Variants in RNF213 observed in about 807,000 individuals in gnomAD.
RNF213 encodes the protein ring finger protein 213.
RNF213 carries 341 observed loss-of-function variants against 514.4 expected under a neutral mutation model. That is an observed-to-expected ratio of 0.66 (90% CI 0.61 to 0.73). RNF213 has a LOEUF of 0.73. Ranked by LOEUF, RNF213 falls within the 30% of genes least tolerant of loss-of-function variation. The probability of loss-of-function intolerance (pLI) is 0.00; values close to 1 mark genes in which losing one functional copy is unlikely to be tolerated. For missense variants in RNF213, 5,767 were observed against 6,615.6 expected (o/e 0.87, Z 4.45); for synonymous variants, 2,655 against 2,658.2 (o/e 1.00, Z 0.04).
At chr17:80,320,483 C>G (rs957227324) in intron 17 of RNF213, 5 of 152,178 alleles carry the variant, frequency 3.3e-5, no homozygotes, top group African/African-American at 1.2e-4. Context: ...CTCCCAAGTG[C>G]TGGAATTACA....
At chr17:80,292,731 CTG>C (rs1184394544) in intron 8 of RNF213, among the ~76,000 whole-genome samples, 1 of 152,088 alleles carries the variant, frequency 6.6e-6, no homozygotes, top group African/African-American at 2.4e-5. Context: ...CAAGACTTGA[CTG>C]TGTTGATCAC....
At chr17:80,262,176 G>T (rs2043446918) in intron 1 of RNF213, among the ~76,000 whole-genome samples, 1 of 152,070 alleles carries the variant, frequency 6.6e-6, no homozygotes, top group Non-Finnish European at 1.5e-5. Context: ...TTCAGGTAGA[G>T]TGTGGAGGGG....
Position 80,347,317 on chromosome 17 carries a change from A to T in RNF213, c.8982A>T (p.Gln2994His). The change falls in exon 29 of 68, where the codon CAA becomes CAT. Residue 2994 changes from glutamine to histidine, a missense_variant. This residue lies in a region of RNF213 where 919 missense variants were observed against 1,121.0 expected (regional missense o/e 0.82). Transcript: ENST00000582970. The surrounding 1 kb of genome is among the most constrained non-coding windows in gnomAD (Gnocchi z 7.2). ...LRNFSGKDDIQALDIFLANLP... is the reference protein window; with the variant it reads ...LRNFSGKDDIHALDIFLANLP... The stretch of plus-strand genomic sequence containing the variant: ...ACTTCAGTGGCAAGGATGACATCCA[A>T]GCTTTGGACATCTTTCTGGCCAATT... 6.2e-7 allele frequency: 1 copy of T among 1,614,040 alleles called. No individual in the cohort carries two copies. Among genetic ancestry groups the T allele is most frequent in the Non-Finnish European group, 8.5e-7 (1 of 1,180,024 alleles).
At chr17:80,273,688 C>T (rs1260155483) in intron 3 of RNF213, among the ~76,000 whole-genome samples, 3 of 146,694 alleles carry the variant, frequency 2.0e-5, no homozygotes, top group Non-Finnish European at 3.0e-5. Context: ...GGTGCGATCT[C>T]GGCTCGCTGC....
intron 10 of RNF213, among the ~76,000 whole-genome samples, chr17:80,297,786 C>CA (rs550895440): frequency 0.34 from 33,206 of 98,026 alleles, 5,052 homozygotes; most frequent in Non-Finnish European, 0.4. Context: ...GACTCCGTCT[C>CA]AAAAAAAAAA....
Position 80,363,263 on chromosome 17 carries a change from C to G in RNF213, c.11517C>G (p.Leu3839=). Residue 3839 remains leucine (L), a synonymous_variant, in exon 40 of 68, where the codon CTC becomes CTG. Transcript: ENST00000582970. Reference sequence around the variant, plus strand: ...TCCTGACCATCTACCCTCAGGTTCTCCACAGCCTGATGGAAGCCCGTTGGA... The same window carrying G: ...TCCTGACCATCTACCCTCAGGTTCTGCACAGCCTGATGGAAGCCCGTTGGA... ...SRILTIYPQV[L]HSLMEARWNH... is the part of the protein sequence containing the mutation. 6.2e-7 allele frequency: 1 copy of G among 1,614,084 alleles called. No individual in the cohort carries two copies. Among genetic ancestry groups the G allele is most frequent in the Non-Finnish European group, 8.5e-7 (1 of 1,180,016 alleles).
At chr17:80,373,254 A>ACCCTCACACCCT (rs1568151801) in intron 49 of RNF213, 89 bp downstream of exon 49, 1 of 861,164 alleles carries the variant, frequency 1.2e-6, no homozygotes. Flanking sequence ...CTCACACCCT[A>ACCCTCACACCCT]CCCCCCCCAC....
Position 80,343,963 on chromosome 17 carries a change from T to C in RNF213, c.6290T>C (p.Val2097Ala), listed in dbSNP as rs375665425. 7 of 1,614,126 alleles carry C rather than the reference T, an allele frequency of 4.3e-6. No individual in the cohort carries two copies. The highest frequency in any genetic ancestry group is 5.9e-6 in the Non-Finnish European group (7 of 1,180,052). ...WLRNPCHLYI[V>A]EILERRTSVP... ...CGGAACCCCTGCCATTTGTATATCGTTGAAATCCTGGAAAGGAGGACGTCA... is the reference window on the plus strand; with the variant it reads ...CGGAACCCCTGCCATTTGTATATCGCTGAAATCCTGGAAAGGAGGACGTCA... Residue 2097 changes from valine to alanine, a missense_variant, in exon 28 of 68, where the codon GTT becomes GCT. By Grantham distance (64) the Val-to-Ala change is moderately conservative. Coordinates refer to ENST00000582970, the MANE Select transcript of RNF213 (RefSeq NM_001256071.3). The surrounding 1 kb of genome is among the most constrained non-coding windows in gnomAD (Gnocchi z 4.3).
In RNF213 at chr17:80,347,170, C is replaced by G. The variant is rs927271941; in HGVS notation, c.8835C>G (p.Arg2945=). The change falls in exon 29 of 68, where the codon CGC becomes CGG. Residue 2945 remains arginine, a synonymous_variant. Coordinates refer to ENST00000582970, the MANE Select transcript of RNF213 (RefSeq NM_001256071.3). The surrounding 1 kb of genome is among the most constrained non-coding windows in gnomAD (Gnocchi z 7.2). ...AAGCCTACGAAACGGTGTGTAAGCG[C>G]CAGGACAAGGAATTCTTCGGGCTTC... ...FAKAYETVCK[R]QDKEFFGLRD... is the part of the protein sequence containing the mutation. The G allele has an allele frequency of 1.9e-6, 3 of 1,613,824 alleles. No homozygotes were observed. The African/African-American group carries it at 4.0e-5, about 22-fold the overall frequency.
At chr17:80,278,745 G>A in intron 3 of RNF213, 1 of 1,537,042 alleles carries the variant, frequency 6.5e-7, no homozygotes, top group Non-Finnish European at 8.7e-7. Flanking sequence ...CCTGTCTGAA[G>A]GGGGTCGTGT....
At chr17:80,300,503 CA>C (rs774067349) in intron 11 of RNF213, among the ~76,000 whole-genome samples, 2 of 151,960 alleles carry the variant, frequency 1.3e-5, no homozygotes, top group East Asian at 3.9e-4. Context: ...CTCGGCCTCC[CA>C]AAGTTCTAGG....
chr17:80,389,762 T>C (rs964420464), intron 65 of RNF213, 66 bp from the exon 66 acceptor site: 5 of 1,346,840 alleles, frequency 3.7e-6, no homozygotes, highest in Admixed American at 1.7e-5. Context: ...TCAGGCTCCC[T>C]GGTGCACGAC....
At chr17:80,300,764 C>A (rs2045148453) in intron 11 of RNF213, among the ~76,000 whole-genome samples, 2 of 152,120 alleles carry the variant, frequency 1.3e-5, no homozygotes, top group African/African-American at 2.4e-5. Flanking sequence ...GTTGGCCAGG[C>A]TGGTCTCAAA....
intron 8 of RNF213, among the ~76,000 whole-genome samples, chr17:80,292,772 G>C (rs906062738): frequency 6.9e-6 from 1 of 145,772 alleles, no homozygotes; most frequent in Non-Finnish European, 1.5e-5. Flanking sequence ...CTCCTCACCT[G>C]GGGGGTCCTG....
rs540618390 is a variant in RNF213, at chr17:80,384,981, C to G, written c.14323-58C>G. ...CGCAGCCAGTCTCAAAGTCTGTAAC[C>G]CCAATAACATTTTTTAGGTAAATAA... is the stretch of plus-strand genomic sequence containing the variant. On this transcript the variant is annotated intron_variant, in intron 59 of 67. Transcript: ENST00000582970. 72 of 1,585,496 alleles carry G rather than the reference C, an allele frequency of 4.5e-5. No homozygotes were observed. The African/African-American group carries it at 7.1e-4, about 16-fold the overall frequency.
intron 30 of RNF213, 30 bp downstream of exon 30, chr17:80,349,936 C>T (rs1399506987): frequency 6.2e-7 from 1 of 1,612,178 alleles, no homozygotes; most frequent in Non-Finnish European, 8.5e-7. Context: ...CTGCTGCCCT[C>T]TCCCTCCCCA....
chr17:80,290,344 TGCGTGTGC>T lies in RNF213; in HGVS notation c.1113-225_1113-218del. On this transcript the variant is annotated intron_variant, in intron 6 of 67. Coordinates refer to ENST00000582970, the MANE Select transcript of RNF213 (RefSeq NM_001256071.3). ...GTTCACGTGTGTGTGCGCACGTGTG[TGCGTGTGC>T]ATGTATGTGTGCGTGTGTGAGTGCG... Among the ~76,000 whole-genome samples the T allele has an allele frequency of 1.3e-5, 2 of 151,952 alleles. 1 individual carries two copies. The highest frequency in any genetic ancestry group is 3.9e-4 in the East Asian group (2 of 5,170).
chr17:80,273,186 T>A, intron 2 of RNF213, 55 bp from the exon 3 acceptor site: 1 of 1,608,516 alleles, frequency 6.2e-7, no homozygotes, highest in Non-Finnish European at 8.5e-7. Context: ...CTGTTTTTCC[T>A]TCCTAACACT....
At chr17:80,262,482 C>T (rs2043458889) in intron 1 of RNF213, among the ~76,000 whole-genome samples, 1 of 152,046 alleles carries the variant, frequency 6.6e-6, no homozygotes, top group Non-Finnish European at 1.5e-5. Flanking sequence ...CAGAGCTGCT[C>T]TCAGAGGAAC....
Sources: allele counts gnomAD v4.1 joint callset (sites outside exome capture counted in the v4.1 genomes callset), GRCh38; gene constraint gnomAD v4.1.1; regional missense constraint gnomAD v4.1.1; non-coding constraint Gnocchi (gnomAD v3.1); transcripts MANE v1.5; gene names NCBI Gene and HGNC (gene_info 2026-07-23, HGNC 2026-07-21).